SS18: variants seen among roughly 807,000 people sequenced by gnomAD.
SS18 encodes protein SSXT.
A neutral mutation model predicts 72.5 loss-of-function variants in SS18; 28 were observed. The ratio of observed to expected loss-of-function variants is 0.39; its 90% CI spans 0.29 to 0.53. The LOEUF is 0.53. SS18 is among the 20% of genes least tolerant of loss of function. The pLI, the probability that SS18 is intolerant of heterozygous loss-of-function variation, is 0.76. For missense variants in SS18, 518 were observed against 535.3 expected, an observed-to-expected ratio of 0.97 and a Z score of 0.32; for synonymous variants, 172 against 164.2, an observed-to-expected ratio of 1.05 and a Z score of -0.37.
intron 10 of SS18, among the ~76,000 whole-genome samples, chr18:26,031,946 G>A (rs1189926210): frequency 6.6e-6 from 1 of 152,158 alleles, no homozygotes; most frequent in East Asian, 1.9e-4. Flanking sequence ...CATCAGGGAG[G>A]ATCACAGAAA....
chr18:26,076,580 C>T (rs867573739), intron 3 of SS18, among the ~76,000 whole-genome samples: 1 of 151,966 alleles, frequency 6.6e-6, no homozygotes, highest in South Asian at 2.1e-4. Context: ...ACTAAATATA[C>T]TGATTAAAAT....
intron 5 of SS18, among the ~76,000 whole-genome samples, chr18:26,046,874 T>C (rs998978948): frequency 6.6e-6 from 1 of 152,206 alleles, no homozygotes; most frequent in African/African-American, 2.4e-5. Flanking sequence ...CCATCACTTA[T>C]CATGACAGGC....
chr18:26,032,276 A>G (rs2143836434), intron 10 of SS18, 123 bp downstream of exon 10: 1 of 1,133,582 alleles, frequency 8.8e-7, no homozygotes, highest in Admixed American at 2.2e-5. Flanking sequence ...TAACAAATGT[A>G]CCATAAACAT....
chr18:26,068,226 T>G (rs2054253287), intron 3 of SS18: 1 of 152,230 alleles, frequency 6.6e-6, no homozygotes, highest in African/African-American at 2.4e-5. Context: ...TTAAGAAAAG[T>G]TATTTCTATA....
In SS18 at chr18:26,024,107, A is replaced by C. The variant is rs1053073328; in HGVS notation, c.1231-5727T>G. Among the ~76,000 whole-genome samples the C allele has an allele frequency of 3.3e-5, 5 of 152,222 alleles. No homozygotes were observed. The South Asian group carries it at 8.3e-4, about 25-fold the overall frequency. ...CCAGTCACAAAACTCCACATATTGT[A>C]TGATTCCATTTATCTTAAATGTACT... On this transcript the variant is annotated intron_variant, in intron 10 of 10. Coordinates refer to ENST00000415083, the MANE Select transcript of SS18 (RefSeq NM_001007559.3).
chr18:26,056,342 C>A (rs544318165), intron 4 of SS18, among the ~76,000 whole-genome samples: 1 of 152,352 alleles, frequency 6.6e-6, no homozygotes, highest in South Asian at 2.1e-4. Context: ...CTTTCCAGTT[C>A]TAAAAACAGT....
intron 3 of SS18, among the ~76,000 whole-genome samples, chr18:26,074,351 A>T (rs28825470): frequency 0.064 from 9,684 of 151,950 alleles, 858 homozygotes; most frequent in African/African-American, 0.2. Flanking sequence ...CTGTAATATC[A>T]AACAAGGTTA....
intron 3 of SS18, among the ~76,000 whole-genome samples, chr18:26,069,888 T>A (rs9956095): frequency 4.9e-4 from 74 of 152,304 alleles, no homozygotes; most frequent in African/African-American, 1.7e-3. Context: ...AAAAATAAAT[T>A]AACAGTAACT....
chr18:26,025,058 A>G (rs1409349834), intron 10 of SS18, among the ~76,000 whole-genome samples: 1 of 152,218 alleles, frequency 6.6e-6, no homozygotes, highest in East Asian at 1.9e-4. Context: ...GGCAGGGATA[A>G]AGACAGTTAT....
intron 3 of SS18, among the ~76,000 whole-genome samples, chr18:26,071,639 C>T (rs928716847): frequency 1.8e-4 from 27 of 151,958 alleles, no homozygotes; most frequent in African/African-American, 2.7e-4. Flanking sequence ...AAGACTAGCC[C>T]GGGCGATATA....
chr18:26,066,052 G>C (rs935781660), intron 3 of SS18, among the ~76,000 whole-genome samples: 6 of 151,764 alleles, frequency 4.0e-5, no homozygotes, highest in African/African-American at 1.5e-4. Flanking sequence ...CTGAGCACCA[G>C]AATTATAAGG....
chr18:26,055,774 T>G lies in SS18; in HGVS notation c.385+1815A>C, dbSNP rs1478959147. 2.9e-4 allele frequency among the ~76,000 whole-genome samples: 43 copies of G among 150,480 alleles called. 1 individual carries two copies. Among genetic ancestry groups the G allele is most frequent in the South Asian group, 1.9e-3 (9 of 4,688 alleles). On this transcript the variant is annotated intron_variant, in intron 4 of 10. Coordinates refer to ENST00000415083, the MANE Select transcript of SS18 (RefSeq NM_001007559.3). ...CTGTTTTTTTTTTTTTTGTTTTTTT[T>G]TTTTGATGGAGTCTCACTCTGTCGC...
At chr18:26,021,383 TATGG>T (rs2143770019) in intron 10 of SS18, among the ~76,000 whole-genome samples, 1 of 152,302 alleles carries the variant, frequency 6.6e-6, no homozygotes, top group South Asian at 2.1e-4. Flanking sequence ...TCATTAACAG[TATGG>T]GTGGCAGCAT....
At chr18:26,045,537 G>C (rs2053805242) in intron 5 of SS18, among the ~76,000 whole-genome samples, 1 of 151,818 alleles carries the variant, frequency 6.6e-6, no homozygotes, top group Non-Finnish European at 1.5e-5. Flanking sequence ...CTTTTACTTT[G>C]CATATTTCTC....
At position 26,032,177 on chromosome 18, in the gene SS18, T is replaced by C. The variant is rs562787068; in HGVS notation, c.1230+222A>G. On this transcript the variant is annotated intron_variant, in intron 10 of 10. Coordinates refer to ENST00000415083, the MANE Select transcript of SS18 (RefSeq NM_001007559.3). ...AGACAGAATATATATGTTGTTGTCT[T>C]ATGATAAGGCCATGTTTTATATGAT... 2.0e-5 allele frequency among the ~76,000 whole-genome samples: 3 copies of C among 152,238 alleles called. No homozygotes were observed. The South Asian group carries it at 6.2e-4, about 32-fold the overall frequency.
At chr18:26,019,692 T>A (rs574087206) in intron 10 of SS18, among the ~76,000 whole-genome samples, 1 of 143,750 alleles carries the variant, frequency 7.0e-6, no homozygotes, top group East Asian at 2.1e-4. Flanking sequence ...ACATCTGTAA[T>A]CCCAGCTACT....
chr18:26,048,297 A>G (rs2053864458), intron 5 of SS18, among the ~76,000 whole-genome samples: 1 of 152,250 alleles, frequency 6.6e-6, no homozygotes, highest in South Asian at 2.1e-4. Flanking sequence ...TCAAAGACAT[A>G]GCTACAAAGA....
At position 26,034,932 on chromosome 18, in the gene SS18, A is replaced by G. The variant is rs2053601811; in HGVS notation, c.1096+73T>C. 2.0e-6 allele frequency: 3 copies of G among 1,533,450 alleles called. No homozygotes were observed. In the Admixed American group the frequency reaches 5.8e-5, roughly 30 times the overall value. 95.0% of individuals were successfully genotyped at this position (1,533,450 alleles called of 1,614,324 possible). ...ATAATTCTTGTAAAAATAAGTATTAAATATCCACTTCCATATTTTAAAACA... is the reference window on the plus strand; with the variant it reads ...ATAATTCTTGTAAAAATAAGTATTAGATATCCACTTCCATATTTTAAAACA... On this transcript the variant is annotated intron_variant, in intron 9 of 10. Transcript: ENST00000415083.
chr18:26,069,393 T>G (rs2054273772), intron 3 of SS18, among the ~76,000 whole-genome samples: 1 of 151,426 alleles, frequency 6.6e-6, no homozygotes, highest in Admixed American at 6.6e-5. Flanking sequence ...TGTCATTGGA[T>G]AATCCATTTG....
Sources: allele counts gnomAD v4.1 joint callset (sites outside exome capture counted in the v4.1 genomes callset), GRCh38; gene constraint gnomAD v4.1.1; transcripts MANE v1.5; gene names NCBI Gene and HGNC (gene_info 2026-07-23, HGNC 2026-07-21).